Variants in PGK1 observed in about 807,000 individuals in gnomAD.
PGK1 encodes PRP 2.
PGK1 carries 3 observed loss-of-function variants against 26.9 expected under a neutral mutation model. The observed-to-expected ratio is 0.11, with a 90% CI of 0.05 to 0.29. The LOEUF (loss-of-function observed/expected upper bound fraction) is 0.29. Ranked by LOEUF, PGK1 falls within the 10% of genes least tolerant of loss-of-function variation. The pLI is 1.00. For missense variants in PGK1, 270 were observed against 314.7 expected, an observed-to-expected ratio of 0.86 and a Z score of 1.07; for synonymous variants, 125 against 115.3, an observed-to-expected ratio of 1.08 and a Z score of -0.54.
intron 6 of PGK1, among the ~76,000 whole-genome samples, chrX:78,121,221 T>C (rs2078353228): frequency 8.9e-6 from 1 of 112,649 alleles, no homozygotes; most frequent in Admixed American, 9.4e-5. Context: ...GTTGGTTTGT[T>C]TGAATAAGGA....
At chrX:78,118,672 A>G (rs917835583) in intron 6 of PGK1, among the ~76,000 whole-genome samples, 17 of 111,791 alleles carry the variant, frequency 1.5e-4, no homozygotes, top group African/African-American at 4.9e-4. Context: ...GGGACAGTAC[A>G]GTAATTTGGG....
At position 78,124,743 on chromosome X, in the gene PGK1, T is replaced by G. The variant is rs2078373729; in HGVS notation, c.937-131T>G. Reference sequence around the variant, plus strand: ...AGTATAAAGGGCATGAACAGGTTTATAAAGACTGAAGGGTACTATTTGTTT... The same window carrying G: ...AGTATAAAGGGCATGAACAGGTTTAGAAAGACTGAAGGGTACTATTTGTTT... On this transcript the variant is annotated intron_variant, in intron 8 of 10. Transcript: ENST00000373316. The G allele has an allele frequency of 1.4e-5, 8 of 557,400 alleles. No individual in the cohort carries two copies. The Admixed American group carries it at 2.0e-4, about 14-fold the overall frequency. 45.9% of individuals were successfully genotyped at this position (557,400 alleles called of 1,213,427 possible).
chrX:78,126,325 T>C lies in PGK1; in HGVS notation c.*495T>C, dbSNP rs1282827898. 2.3e-5 allele frequency: 3 copies of C among 130,288 alleles called. No individual in the cohort carries two copies. The highest frequency in any genetic ancestry group is 7.9e-5 in the Admixed American group (1 of 12,698). 10.7% of individuals were successfully genotyped at this position (130,288 alleles called of 1,213,427 possible). Reference sequence around the variant, plus strand: ...GTTAGGAAGGGTGAGAATAGAATCTTGAGGAACGGATCAGATGTCTATATT... The same window carrying C: ...GTTAGGAAGGGTGAGAATAGAATCTCGAGGAACGGATCAGATGTCTATATT... On this transcript the variant is annotated 3_prime_UTR_variant, in exon 11 of 11. Coordinates refer to ENST00000373316, the MANE Select transcript of PGK1 (RefSeq NM_000291.4).
At chrX:78,117,887 AATCTT>A (rs1346475391) in intron 5 of PGK1, among the ~76,000 whole-genome samples, 159 bp from the exon 6 acceptor site, 1 of 112,776 alleles carries the variant, frequency 8.9e-6, no homozygotes, top group Admixed American at 9.4e-5. Flanking sequence ...ATTAGTTAAA[AATCTT>A]ATCTTGTACC....
chrX:78,121,402 A>ATGTGTG (rs782769996), intron 6 of PGK1, among the ~76,000 whole-genome samples: 1 of 107,885 alleles, frequency 9.3e-6, no homozygotes, highest in Non-Finnish European at 1.9e-5. Context: ...TTGTGTGTGT[A>ATGTGTG]TGTGTGTGTG....
chrX:78,111,782 G>A lies in PGK1; in HGVS notation c.116+1865G>A, dbSNP rs782690733. 2.7e-5 allele frequency among the ~76,000 whole-genome samples: 3 copies of A among 111,844 alleles called. 1 individual carries two copies. The South Asian group carries it at 1.1e-3, about 41-fold the overall frequency. ...TCATTATTGTGCAACACACAGAAAC[G>A]ATTGGAAATATGCCTATCAAGTTAT... On this transcript the variant is annotated intron_variant, in intron 2 of 10. Transcript: ENST00000373316.
intron 1 of PGK1, among the ~76,000 whole-genome samples, chrX:78,109,490 C>T (rs1487807089): frequency 9.0e-6 from 1 of 110,652 alleles, no homozygotes; most frequent in African/African-American, 3.3e-5. Flanking sequence ...CTAGCTTTAG[C>T]TTCCCAGATC....
At chrX:78,106,395 A>G (rs1223435458) in intron 1 of PGK1, 2 of 745,504 alleles carry the variant, frequency 2.7e-6, no homozygotes, top group Non-Finnish European at 3.2e-6. Context: ...TAGGCTGAGG[A>G]CAGGAAGTTA....
chrX:78,115,386 G>A (rs1269134906), intron 4 of PGK1, among the ~76,000 whole-genome samples: 3 of 111,277 alleles, frequency 2.7e-5, no homozygotes, highest in Non-Finnish European at 3.8e-5. Flanking sequence ...GGCTGGGTGC[G>A]GTGCCTCATG....
In PGK1 at chrX:78,118,054, C is replaced by T. The variant is rs1557247636; in HGVS notation, c.525C>T (p.Ser175=). 1 of 1,204,699 alleles carries T rather than the reference C, an allele frequency of 8.3e-7. No homozygotes were observed. Among genetic ancestry groups the T allele is most frequent in the East Asian group, 3.0e-5 (1 of 33,771 alleles). Residue 175 remains serine, a synonymous_variant, in exon 6 of 11, where the codon TCC becomes TCT. Coordinates refer to ENST00000373316, the MANE Select transcript of PGK1 (RefSeq NM_000291.4). ...GAATGTCTTTGATCTTTTCTAGCTC[C>T]ATGGTAGGAGTCAATCTGCCACAGA... ...AFGTAHRAHS[S]MVGVNLPQKA... is the part of the protein sequence containing the mutation.
Position 78,123,902 on chromosome X carries a change from C to T in PGK1, c.936+528C>T, listed in dbSNP as rs782584669. ...GATTACAGGCGTGAGCCACTGTGCC[C>T]GGCCCATTTTTAGTTTTATCTGTTT... On this transcript the variant is annotated intron_variant, in intron 8 of 10. Coordinates refer to ENST00000373316, the MANE Select transcript of PGK1 (RefSeq NM_000291.4). 6.3e-5 allele frequency among the ~76,000 whole-genome samples: 7 copies of T among 111,444 alleles called. No individual in the cohort carries two copies. In the South Asian group the frequency reaches 1.5e-3, roughly 24 times the overall value.
intron 6 of PGK1, among the ~76,000 whole-genome samples, chrX:78,121,230 G>T (rs1195459580): frequency 2.7e-5 from 3 of 112,304 alleles, no homozygotes; most frequent in South Asian, 7.3e-4. Flanking sequence ...TTTGAATAAG[G>T]ATTCAAATGA....
chrX:78,108,535 A>T (rs1010958039), intron 1 of PGK1, among the ~76,000 whole-genome samples: 1 of 112,101 alleles, frequency 8.9e-6, no homozygotes, highest in Non-Finnish European at 1.9e-5. Context: ...TCCTCAGCCT[A>T]CCTTTGGAAA....
chrX:78,104,294 C>T lies in PGK1; in HGVS notation c.-47C>T. ...CGGAGCGCACGTCGGCAGTCGGCTC[C>T]CTCGTTGACCGAATCACCGACCTCT... is the stretch of plus-strand genomic sequence containing the variant. On this transcript the variant is annotated 5_prime_UTR_variant, in exon 1 of 11. Coordinates refer to ENST00000373316, the MANE Select transcript of PGK1 (RefSeq NM_000291.4). 3 of 1,000,722 alleles carry T rather than the reference C, an allele frequency of 3.0e-6. No individual in the cohort carries two copies. Among genetic ancestry groups the T allele is most frequent in the Non-Finnish European group, 4.3e-6 (3 of 705,073 alleles). The allele number at this position is 1,000,722 out of a possible 1,213,427, so 82.5% of individuals were successfully genotyped here.
rs998253162 is a variant in PGK1, at chrX:78,112,203, C to T, written c.117-1541C>T. On this transcript the variant is annotated intron_variant, in intron 2 of 10. Coordinates refer to ENST00000373316, the MANE Select transcript of PGK1 (RefSeq NM_000291.4). ...TTGTTTTTTTTCTGTATCTCACCAT[C>T]TGATATATTACATGTACGCACACAC... Among the ~76,000 whole-genome samples the T allele has an allele frequency of 1.3e-4, 14 of 111,411 alleles. 1 individual carries two copies. Among genetic ancestry groups the T allele is most frequent in the African/African-American group, 4.6e-4 (14 of 30,589 alleles).
Position 78,117,309 on chromosome X carries a change from T to C in PGK1, c.418-3T>C, listed in dbSNP as rs782244239. 6.0e-6 allele frequency: 7 copies of C among 1,176,233 alleles called. No individual in the cohort carries two copies. The highest frequency in any genetic ancestry group is 8.1e-6 in the Non-Finnish European group (7 of 864,529). The stretch of plus-strand genomic sequence containing the variant: ...CATTTTCTGTTTTTGTTTTTCTCTA[T>C]AGGTTAAAGCCGAGCCAGCCAAAAT... On this transcript the variant is annotated splice_polypyrimidine_tract_variant and splice_region_variant and intron_variant, in intron 4 of 10. Transcript: ENST00000373316.
At chrX:78,106,677 A>G (rs2078274051) in intron 1 of PGK1, 1 of 737,354 alleles carries the variant, frequency 1.4e-6, no homozygotes, top group Non-Finnish European at 1.6e-6. Flanking sequence ...TTGAGGTAAC[A>G]TGGGATAGCC....
rs1557248507 is a variant in PGK1, at chrX:78,125,034, G to C, written c.1097G>C (p.Gly366Ala). ...MDEVVKATSR[G>A]CITIIGGGDT... is the part of the protein sequence containing the mutation. ...GAGGTGGTGAAAGCCACTTCTAGGGGCTGCATCACCATCATAGGTAAGCGG... is the reference window on the plus strand; with the variant it reads ...GAGGTGGTGAAAGCCACTTCTAGGGCCTGCATCACCATCATAGGTAAGCGG... Residue 366 changes from glycine (G) to alanine (A), a missense_variant, in exon 9 of 11, where the codon GGC becomes GCC. Physicochemically the swap from Gly to Ala is moderately conservative, Grantham distance 60. Around this residue, in one of 3 missense-constraint regions of PGK1, gnomAD observed 103 missense variants for 114.6 expected, o/e 0.90. Transcript: ENST00000373316. The C allele has an allele frequency of 8.3e-7, 1 of 1,207,031 alleles. No individual in the cohort carries two copies. Among genetic ancestry groups the C allele is most frequent in the African/African-American group, 1.8e-5 (1 of 56,982 alleles).
rs782131921 is a variant in PGK1, at chrX:78,113,870, T to C, written c.243T>C (p.Val81=). Residue 81 remains valine (V), a synonymous_variant, in exon 3 of 11, where the codon GTT becomes GTC. Coordinates refer to ENST00000373316, the MANE Select transcript of PGK1 (RefSeq NM_000291.4). ...CTGACAAGTACTCCTTAGAGCCAGTTGCTGTAGAACTCAAATCTCTGCTGG... is the reference window on the plus strand; with the variant it reads ...CTGACAAGTACTCCTTAGAGCCAGTCGCTGTAGAACTCAAATCTCTGCTGG... ...PMPDKYSLEP[V]AVELKSLLGK... The C allele has an allele frequency of 8.3e-7, 1 of 1,211,677 alleles. No homozygotes were observed. The highest frequency in any genetic ancestry group is 2.2e-5 in the Admixed American group (1 of 46,045).
Sources: allele counts gnomAD v4.1 joint callset (sites outside exome capture counted in the v4.1 genomes callset), GRCh38; gene constraint gnomAD v4.1.1; regional missense constraint gnomAD v4.1.1; transcripts MANE v1.5; gene names NCBI Gene and HGNC (gene_info 2026-07-23, HGNC 2026-07-21).